Variants in DGKE observed in about 807,000 individuals in gnomAD.
The protein encoded by DGKE is diacylglycerol kinase epsilon, also known as DAG kinase epsilon.
DGKE carries 53 observed loss-of-function variants against 70.0 expected under a neutral mutation model. That is an observed-to-expected ratio of 0.76 (90% CI 0.61 to 0.95). The LOEUF (loss-of-function observed/expected upper bound fraction) is 0.95. Among genes scored for constraint, DGKE ranks in the 40% least tolerant of loss-of-function variants. The probability of loss-of-function intolerance (pLI) is 0.00; values close to 1 mark genes in which losing one functional copy is unlikely to be tolerated. For synonymous variants in DGKE, 291 were observed against 257.0 expected, an observed-to-expected ratio of 1.13 and a Z score of -1.27; for missense variants, 655 against 706.9, an observed-to-expected ratio of 0.93 and a Z score of 0.83.
At chr17:56,842,572 A>G (rs1598022643) in intron 2 of DGKE, among the ~76,000 whole-genome samples, 1 of 152,230 alleles carries the variant, frequency 6.6e-6, no homozygotes, top group East Asian at 1.9e-4. Flanking sequence ...TATGCAAATT[A>G]TTTCAGTTTT....
At chr17:56,834,460 T>C (rs1180471705) in intron 1 of DGKE, among the ~76,000 whole-genome samples, 200 bp downstream of exon 1, 5 of 152,336 alleles carry the variant, frequency 3.3e-5, no homozygotes, top group African/African-American at 1.2e-4. Flanking sequence ...GGAGGGCAGC[T>C]TGCCCCTGTA....
rs374966297 is a variant in DGKE at position 56,861,904 on chromosome 17, T to C, written c.1398T>C (p.Thr466=). The stretch of plus-strand genomic sequence containing the variant: ...TATGGGAAGGGATGGGGGACGAGAC[T>C]TACCCTCTAGCCAGGTATGTACATT... ...CRLWEGMGDE[T]YPLARHDDGL... The change falls in exon 10 of 12, where the codon ACT becomes ACC. Residue 466 remains threonine, a synonymous_variant. Coordinates refer to ENST00000284061, the MANE Select transcript of DGKE (RefSeq NM_003647.3). 12 of 1,609,620 alleles carry C rather than the reference T, an allele frequency of 7.5e-6. No individual in the cohort carries two copies. The African/African-American group carries it at 1.6e-4, about 22-fold the overall frequency.
chr17:56,869,464 A>G lies in DGKE; in HGVS notation c.*6673A>G, dbSNP rs1385839488. 6.6e-6 allele frequency: 1 copy of G among 152,218 alleles called. No homozygotes were observed. Among genetic ancestry groups the G allele is most frequent in the African/African-American group, 2.4e-5 (1 of 41,460 alleles). The allele number at this position is 152,218 out of a possible 1,614,324, so 9.4% of individuals were successfully genotyped here. A position where few individuals can be genotyped will look rare whatever the true frequency, so the allele number is the denominator to read the frequency against. On this transcript the variant is annotated 3_prime_UTR_variant, in exon 12 of 12. Coordinates refer to ENST00000284061, the MANE Select transcript of DGKE (RefSeq NM_003647.3). The stretch of plus-strand genomic sequence containing the variant: ...GCATGTAACATCTTTTATTCATTTT[A>G]TTAGGCATTAGAGGAAGAATATTCT...
intron 7 of DGKE, among the ~76,000 whole-genome samples, chr17:56,854,035 TA>T: frequency 7.1e-6 from 1 of 140,058 alleles, no homozygotes; most frequent in Non-Finnish European, 1.5e-5. Flanking sequence ...TAGCTGAACC[TA>T]GAGGACATTA....
chr17:56,834,757 G>A (rs777262402), intron 1 of DGKE, 21 bp from the exon 2 acceptor site: 3 of 1,544,464 alleles, frequency 1.9e-6, no homozygotes, highest in South Asian at 2.4e-5. Context: ...GGGGTGCACC[G>A]CCTGTTTCTT....
Position 56,868,686 on chromosome 17 carries a change from G to A in DGKE, c.*5895G>A, listed in dbSNP as rs1018748572. ...AAGTGCAGCACGTAAGTATGATACT[G>A]TGTAGTTTTTTGACACAACCATGAG... On this transcript the variant is annotated 3_prime_UTR_variant, in exon 12 of 12. Coordinates refer to ENST00000284061, the MANE Select transcript of DGKE (RefSeq NM_003647.3). The A allele has an allele frequency of 6.6e-6, 1 of 152,356 alleles. No homozygotes were observed. The highest frequency in any genetic ancestry group is 1.9e-4 in the East Asian group (1 of 5,188). 9.4% of individuals were successfully genotyped at this position (152,356 alleles called of 1,614,324 possible). A position where few individuals can be genotyped will look rare whatever the true frequency, so the allele number is the denominator to read the frequency against.
At chr17:56,839,610 C>G (rs7223066) in intron 2 of DGKE, among the ~76,000 whole-genome samples, 107,360 of 152,058 alleles carry the variant, frequency 0.71, 38,362 homozygotes, top group East Asian at 0.91. Flanking sequence ...CCTTAGCCTC[C>G]CAGGTTCAAG....
chr17:56,838,807 G>A (rs1385109719), intron 2 of DGKE: 1 of 151,918 alleles, frequency 6.6e-6, no homozygotes, highest in Non-Finnish European at 1.5e-5. Flanking sequence ...AGTTACGTAT[G>A]TTCATTTATC....
At chr17:56,840,041 G>A (rs1021403113) in intron 2 of DGKE, among the ~76,000 whole-genome samples, 1 of 152,088 alleles carries the variant, frequency 6.6e-6, no homozygotes, top group Non-Finnish European at 1.5e-5. Context: ...GCGCATGCCT[G>A]TAATCCCAGC....
rs151189920 is a variant in DGKE at position 56,862,848 on chromosome 17, A to G, written c.*57A>G. 90 of 1,346,686 alleles carry G rather than the reference A, an allele frequency of 6.7e-5. No individual in the cohort carries two copies. The African/African-American group carries it at 1.1e-3, about 17-fold the overall frequency. The allele number at this position is 1,346,686 out of a possible 1,614,324, so 83.4% of individuals were successfully genotyped here. On this transcript the variant is annotated 3_prime_UTR_variant, in exon 12 of 12. Transcript: ENST00000284061. ...TCCTCACGCAAGTAGATACATGTTC[A>G]TCCAAAAGTATTAATAGAAATTCTC... is the stretch of plus-strand genomic sequence containing the variant.
At chr17:56,847,385 A>G (rs1170550856) in intron 4 of DGKE, 1 of 145,914 alleles carries the variant, frequency 6.9e-6, no homozygotes, top group Non-Finnish European at 1.5e-5. Context: ...CCGAAGCTGG[A>G]GTGCAGGGGC....
At position 56,845,773 on chromosome 17, in the gene DGKE, G is replaced by A; in HGVS notation, c.708G>A (p.Leu236=). The change falls in exon 4 of 12, where the codon CTG becomes CTA. Residue 236 remains leucine, a synonymous_variant. Transcript: ENST00000284061. ...GTGGAACTAATATGGGAGAAGGACT[G>A]TTGGGAGAATTTAGGATCTTGTTGA... ...SRSGTNMGEG[L]LGEFRILLNP... The A allele has an allele frequency of 6.2e-7, 1 of 1,610,892 alleles. No homozygotes were observed. The highest frequency in any genetic ancestry group is 1.1e-5 in the South Asian group (1 of 90,624).
At position 56,834,962 on chromosome 17, in the gene DGKE, G is replaced by C; in HGVS notation, c.167G>C (p.Arg56Pro). Residue 56 changes from arginine to proline, a missense_variant, in exon 2 of 12, where the codon CGC (arginine) becomes CCC (proline). Physicochemically the swap from Arg to Pro is moderately radical, Grantham distance 103 (BLOSUM62 -2). Transcript: ENST00000284061. ...CAGCTGCACCGCAGGGACATCTTCC[G>C]CAAGAGCAAGCACGGGTGGCGCGAC... ...RRQLHRRDIF[R>P]KSKHGWRDTD... 6.2e-7 allele frequency: 1 copy of C among 1,613,020 alleles called. No homozygotes were observed. The highest frequency in any genetic ancestry group is 1.3e-5 in the African/African-American group (1 of 75,056).
chr17:56,862,092 G>T, intron 10 of DGKE, 48 bp from the exon 11 acceptor site: 1 of 1,596,916 alleles, frequency 6.3e-7, no homozygotes, highest in Non-Finnish European at 8.6e-7. Context: ...TAGCATAACT[G>T]ATTTTTTATT....
At chr17:56,851,948 G>T (rs916653359) in intron 7 of DGKE, among the ~76,000 whole-genome samples, 3 of 152,172 alleles carry the variant, frequency 2.0e-5, no homozygotes, top group Non-Finnish European at 4.4e-5. Context: ...CACACCTGTA[G>T]TTCCAGCAAC....
At chr17:56,858,451 C>A in intron 8 of DGKE, 143 bp from the exon 9 acceptor site, 2 of 594,068 alleles carry the variant, frequency 3.4e-6, no homozygotes, top group Non-Finnish European at 5.4e-6. Context: ...TTTGGTTGCC[C>A]TTCTTTTCAT....
At chr17:56,839,618 A>C (rs1906840401) in intron 2 of DGKE, among the ~76,000 whole-genome samples, 1 of 152,174 alleles carries the variant, frequency 6.6e-6, no homozygotes, top group South Asian at 2.1e-4. Context: ...TCCCAGGTTC[A>C]AGCAATCCTC....
At position 56,841,662 on chromosome 17, in the gene DGKE, C is replaced by T. The variant is rs193233605; in HGVS notation, c.465-2357C>T. Among the ~76,000 whole-genome samples, 8 of 152,330 alleles carry T rather than the reference C, an allele frequency of 5.3e-5. No homozygotes were observed. In the East Asian group the frequency reaches 1.5e-3, roughly 29 times the overall value. On this transcript the variant is annotated intron_variant, in intron 2 of 11. Transcript: ENST00000284061. ...ACTCGTAACAAGCATATTGGACAAA[C>T]ATCCAGAACCTTGGGAAAATGCATG...
intron 2 of DGKE, 70 bp downstream of exon 2, chr17:56,835,329 G>A (rs1906538484): frequency 6.8e-7 from 1 of 1,462,594 alleles, no homozygotes. Context: ...GAGTGGTGTA[G>A]AGGCCTGCTT....
Sources: gnomAD v4.1 joint callset for allele counts (sites outside exome capture counted in the v4.1 genomes callset) on GRCh38, gnomAD v4.1.1 for gene constraint, MANE v1.5 for transcripts, NCBI Gene and HGNC (gene_info 2026-07-23, HGNC 2026-07-21) for gene names.